GOLGA3: variants seen among roughly 807,000 people sequenced by gnomAD.
GOLGA3 encodes the protein golgin subfamily A member 3.
In GOLGA3, 75 loss-of-function variants were observed where a neutral mutation model predicts 169.4. That is an observed-to-expected ratio of 0.44 (90% CI 0.37 to 0.54). The LOEUF is 0.54. GOLGA3 is among the 20% of genes least tolerant of loss of function. The pLI, the probability that GOLGA3 is intolerant of heterozygous loss-of-function variation, is 0.00. For synonymous variants in GOLGA3, 824 were observed against 822.4 expected, an observed-to-expected ratio of 1.00 and a Z score of -0.03; for missense variants, 1,899 against 1,930.0, an observed-to-expected ratio of 0.98 and a Z score of 0.30.
At chr12:132,821,655 C>A (rs945283717) in intron 2 of GOLGA3, among the ~76,000 whole-genome samples, 1 of 151,754 alleles carries the variant, frequency 6.6e-6, no homozygotes, top group Non-Finnish European at 1.5e-5. Context: ...GAGATCGAGA[C>A]CATCTTGGCT....
At position 132,786,393 on chromosome 12, in the gene GOLGA3, C is replaced by T. The variant is rs746835654; in HGVS notation, c.3069G>A (p.Glu1023=). 6.2e-7 allele frequency: 1 copy of T among 1,612,420 alleles called. No individual in the cohort carries two copies. The highest frequency in any genetic ancestry group is 2.2e-5 in the East Asian group (1 of 44,842). Residue 1023 remains glutamate (E), a synonymous_variant, in exon 15 of 24, where the codon GAG becomes GAA. Transcript: ENST00000450791. ...ALAAKEAADA[E]LGQLRAQGGS... ...CACCCTGGGCTCGGAGCTGGCCCAG[C>T]TCCGCGTCCGCAGCCTCCTTGGCCG...
At position 132,807,906 on chromosome 12, in the gene GOLGA3, T is replaced by C; in HGVS notation, c.1163A>G (p.Asp388Gly). Residue 388 changes from aspartate to glycine, a missense_variant, in exon 5 of 24, where the codon GAC (aspartate) becomes GGC (glycine). Coordinates refer to ENST00000450791, the MANE Select transcript of GOLGA3 (RefSeq NM_001389683.1). ...EVNGEVRSRR[D>G]SICSSVSLES... Reference sequence around the variant, plus strand: ...TCCCCACCACCTGCTGCAGATGCTGTCTCTCCGACTCCGCACCTCCCCGTT... The same window carrying C: ...TCCCCACCACCTGCTGCAGATGCTGCCTCTCCGACTCCGCACCTCCCCGTT... The C allele has an allele frequency of 6.3e-7, 1 of 1,581,332 alleles. No homozygotes were observed. Among genetic ancestry groups the C allele is most frequent in the Non-Finnish European group, 8.6e-7 (1 of 1,161,632 alleles).
At chr12:132,776,004 C>T (rs970143274) in intron 21 of GOLGA3, among the ~76,000 whole-genome samples, 1 of 152,390 alleles carries the variant, frequency 6.6e-6, no homozygotes, top group African/African-American at 2.4e-5. Context: ...TCTGTCCTGC[C>T]GCATGACGTG....
chr12:132,789,862 T>C (rs952175558), intron 12 of GOLGA3, among the ~76,000 whole-genome samples: 1 of 151,676 alleles, frequency 6.6e-6, no homozygotes, highest in African/African-American at 2.4e-5. Flanking sequence ...GAAAACCCCA[T>C]CTCTACTAAA....
intron 12 of GOLGA3, among the ~76,000 whole-genome samples, chr12:132,789,791 T>TCAGAAATAAAATACAGCA (rs59943769): frequency 2.4e-3 from 365 of 152,090 alleles, no homozygotes; most frequent in South Asian, 4.4e-3. Flanking sequence ...CCCAGCACTC[T>TCAGAAATAAAATACAGCA]GGGAGCCCGA....
intron 15 of GOLGA3, among the ~76,000 whole-genome samples, chr12:132,784,770 CCCACA>C (rs1829572174): frequency 1.4e-5 from 2 of 142,688 alleles, no homozygotes; most frequent in East Asian, 2.3e-4. Flanking sequence ...GTGTTCACAC[CCCACA>C]CCACACATGC....
chr12:132,797,637 G>C (rs550033997), intron 9 of GOLGA3, among the ~76,000 whole-genome samples: 1 of 152,128 alleles, frequency 6.6e-6, no homozygotes, highest in South Asian at 2.1e-4. Flanking sequence ...GCTTGAACTT[G>C]GTAGGCAGAG....
At position 132,769,534 on chromosome 12, in the gene GOLGA3, G is replaced by C. The variant is rs1019503801; in HGVS notation, c.*3571C>G. ...CTGCCTGATCCATATTGCAGAGAGT[G>C]GGAACGGGTGTGAGTCCGTAAGACC... On this transcript the variant is annotated 3_prime_UTR_variant, in exon 24 of 24. Transcript: ENST00000450791. The C allele has an allele frequency of 6.6e-6, 1 of 152,200 alleles. No individual in the cohort carries two copies. The highest frequency in any genetic ancestry group is 2.4e-5 in the African/African-American group (1 of 41,438). 9.4% of individuals were successfully genotyped at this position (152,200 alleles called of 1,614,324 possible).
chr12:132,788,829 C>T (rs79877112), intron 13 of GOLGA3, among the ~76,000 whole-genome samples, 198 bp downstream of exon 13: 3,926 of 152,090 alleles, frequency 0.026, 156 homozygotes, highest in African/African-American at 0.089. Flanking sequence ...CCCTCTGGGA[C>T]CTATGCTCCA....
At chr12:132,799,181 G>A (rs548068142) in intron 8 of GOLGA3, among the ~76,000 whole-genome samples, 74 of 152,348 alleles carry the variant, frequency 4.9e-4, no homozygotes, top group Middle Eastern at 3.4e-3. Flanking sequence ...GGTGCACGGA[G>A]CCAGGGAAGA....
At chr12:132,806,037 C>A (rs756596646) in intron 6 of GOLGA3, among the ~76,000 whole-genome samples, 4 of 152,208 alleles carry the variant, frequency 2.6e-5, no homozygotes, top group Non-Finnish European at 5.9e-5. Flanking sequence ...AGCAGAGAAT[C>A]GCCAGAGGAA....
At position 132,774,230 on chromosome 12, in the gene GOLGA3, C is replaced by A. The variant is rs2045084993; in HGVS notation, c.4234G>T (p.Glu1412Ter). ...DCPVPASLLE[E>*]LLRPPPAVSK... ...ACGGCGGGCGGTGGTCTCAGCAGCTCCTCCAGCAGCGAGGCGGGAACTGGG... is the reference window on the plus strand; with the variant it reads ...ACGGCGGGCGGTGGTCTCAGCAGCTACTCCAGCAGCGAGGCGGGAACTGGG... Residue 1412 changes from glutamate (E) to a stop codon, truncating the protein, a stop_gained, in exon 23 of 24, where the codon GAG becomes TAG. Coordinates refer to ENST00000450791, the MANE Select transcript of GOLGA3 (RefSeq NM_001389683.1). LOFTEE classifies it high-confidence loss of function. The A allele has an allele frequency of 6.2e-7, 1 of 1,611,950 alleles. No individual in the cohort carries two copies. The highest frequency in any genetic ancestry group is 1.3e-5 in the African/African-American group (1 of 74,932).
chr12:132,789,760 G>A (rs867247588), intron 12 of GOLGA3, among the ~76,000 whole-genome samples: 2 of 152,304 alleles, frequency 1.3e-5, no homozygotes, highest in Middle Eastern at 3.4e-3. Context: ...CAGGCCGGGC[G>A]CGGTGGCTCA....
At chr12:132,810,450 A>C (rs139864371) in intron 4 of GOLGA3, among the ~76,000 whole-genome samples, 4,007 of 152,268 alleles carry the variant, frequency 0.026, 163 homozygotes, top group African/African-American at 0.091. Context: ...CCAGATATAG[A>C]TCTTAGATAT....
At chr12:132,805,226 C>T (rs1306434749) in intron 6 of GOLGA3, among the ~76,000 whole-genome samples, 2 of 129,660 alleles carry the variant, frequency 1.5e-5, no homozygotes, top group South Asian at 2.9e-4. Context: ...GACCCCCAGG[C>T]GCTCTCCCAA....
intron 11 of GOLGA3, among the ~76,000 whole-genome samples, chr12:132,794,798 A>G (rs992303500): frequency 6.6e-6 from 1 of 152,220 alleles, no homozygotes; most frequent in Non-Finnish European, 1.5e-5. Flanking sequence ...TCTTTACTAG[A>G]AAATCACTTA....
chr12:132,790,709 A>C (rs1195859745), intron 12 of GOLGA3, among the ~76,000 whole-genome samples: 1 of 151,790 alleles, frequency 6.6e-6, no homozygotes, highest in African/African-American at 2.4e-5. Flanking sequence ...CCCCCACCCC[A>C]CTGTGGAAGT....
At chr12:132,822,537 T>C (rs562231693) in intron 1 of GOLGA3, among the ~76,000 whole-genome samples, 1 of 152,348 alleles carries the variant, frequency 6.6e-6, no homozygotes, top group East Asian at 1.9e-4. Context: ...TCTGTATCGG[T>C]GCCAACTAAA....
chr12:132,773,158 C>A lies in GOLGA3; in HGVS notation c.4444G>T (p.Asp1482Tyr). 1 of 1,583,980 alleles carries A rather than the reference C, an allele frequency of 6.3e-7. No individual in the cohort carries two copies. Among genetic ancestry groups the A allele is most frequent in the East Asian group, 2.3e-5 (1 of 43,224 alleles). Residue 1482 changes from aspartate to tyrosine, a missense_variant, in exon 24 of 24, where the codon GAC becomes TAC. By Grantham distance (160) the Asp-to-Tyr change is radical (BLOSUM62 -3). Transcript: ENST00000450791. ...PPGGHAGPRG[D>Y]PQRHSQSRAS... The stretch of plus-strand genomic sequence containing the variant: ...CTGCTCTGACTGTGTCTCTGTGGGT[C>A]GCCGCGTGGGCCGGCGTGACCCCCC...
Sources: gnomAD v4.1 joint callset for allele counts (sites outside exome capture counted in the v4.1 genomes callset) on GRCh38, gnomAD v4.1.1 for gene constraint, MANE v1.5 for transcripts, NCBI Gene and HGNC (gene_info 2026-07-23, HGNC 2026-07-21) for gene names.